Variants in SLIT3 observed in about 807,000 individuals in gnomAD.
SLIT3 encodes slit homolog 3 protein.
Under a neutral mutation model 184.0 loss-of-function variants are expected in SLIT3, and 68 were observed. The observed-to-expected ratio is 0.37, with a 90% CI of 0.30 to 0.45. The LOEUF is 0.45. SLIT3 is among the 20% of genes least tolerant of loss of function. The pLI, the probability that SLIT3 is intolerant of heterozygous loss-of-function variation, is 1.00. For missense variants in SLIT3, 1,707 were observed against 2,026.0 expected (o/e 0.84, Z 3.02); for synonymous variants, 831 against 828.6 (o/e 1.00, Z -0.05).
chr5:169,279,421 GAAACCTGAGGT>G (rs1191604908), intron 1 of SLIT3, among the ~76,000 whole-genome samples: 1 of 152,120 alleles, frequency 6.6e-6, no homozygotes, highest in Non-Finnish European at 1.5e-5. Context: ...TACGGAGGAG[GAAACCTGAGGT>G]TCTGAGTTAG....
At chr5:169,003,642 C>T (rs1033749768) in intron 4 of SLIT3, among the ~76,000 whole-genome samples, 4 of 152,192 alleles carry the variant, frequency 2.6e-5, no homozygotes, top group Non-Finnish European at 2.9e-5. Context: ...AGAAGAGTTT[C>T]GTCTCACCCA....
intron 5 of SLIT3, among the ~76,000 whole-genome samples, chr5:168,879,409 C>T (rs956908709): frequency 1.3e-5 from 2 of 152,178 alleles, no homozygotes; most frequent in Non-Finnish European, 2.9e-5. Context: ...AGGAGTGTTT[C>T]CTTAGCAGGT....
At chr5:168,884,297 G>T (rs191754128) in intron 4 of SLIT3, among the ~76,000 whole-genome samples, 1 of 151,002 alleles carries the variant, frequency 6.6e-6, no homozygotes, top group African/African-American at 2.4e-5. Flanking sequence ...GGCTGTTCCC[G>T]CACAGCCACA....
chr5:168,865,306 T>C (rs115921908), intron 5 of SLIT3, among the ~76,000 whole-genome samples: 1,923 of 152,220 alleles, frequency 0.013, 20 homozygotes, highest in East Asian at 0.046. Context: ...AGCAGCTTTA[T>C]TCGTAATAAC....
chr5:169,023,806 A>G (rs1581318298), intron 4 of SLIT3: 2 of 152,120 alleles, frequency 1.3e-5, no homozygotes, highest in East Asian at 1.9e-4. Flanking sequence ...TGAGTTTTAT[A>G]ACTCTGTTTT....
intron 20 of SLIT3, among the ~76,000 whole-genome samples, chr5:168,726,927 CTTA>C (rs1763150250): frequency 6.6e-6 from 1 of 151,114 alleles, no homozygotes; most frequent in South Asian, 2.1e-4. Flanking sequence ...AGGAGACTCG[CTTA>C]AACCCAGGAG....
chr5:168,934,508 C>G (rs1262126512), intron 4 of SLIT3, among the ~76,000 whole-genome samples: 1 of 152,180 alleles, frequency 6.6e-6, no homozygotes, highest in Non-Finnish European at 1.5e-5. Context: ...TGTCTGCCTT[C>G]TGTGGATGTC....
intron 7 of SLIT3, among the ~76,000 whole-genome samples, chr5:168,818,142 T>A (rs1017102778): frequency 1.3e-5 from 2 of 152,154 alleles, no homozygotes; most frequent in African/African-American, 4.8e-5. Context: ...TAGCCATCTC[T>A]CCACAGTGCC....
At chr5:169,179,454 C>CA (rs1561718115) in intron 4 of SLIT3, among the ~76,000 whole-genome samples, 2 of 152,058 alleles carry the variant, frequency 1.3e-5, no homozygotes, top group Middle Eastern at 3.2e-3. Context: ...GCTTATCTTT[C>CA]CATTTCACTG....
At chr5:169,093,985 G>C (rs925436603) in intron 4 of SLIT3, among the ~76,000 whole-genome samples, 3 of 152,130 alleles carry the variant, frequency 2.0e-5, no homozygotes, top group African/African-American at 7.2e-5. Context: ...TCCTGGTACC[G>C]TTCTAAGCAT....
intron 4 of SLIT3, among the ~76,000 whole-genome samples, chr5:169,159,571 C>T (rs1762412794): frequency 6.6e-6 from 1 of 152,094 alleles, no homozygotes; most frequent in African/African-American, 2.4e-5. Flanking sequence ...GTCAGCACAT[C>T]GAGACCACCC....
At chr5:168,868,708 A>G (rs1304389917) in intron 5 of SLIT3, among the ~76,000 whole-genome samples, 6 of 147,346 alleles carry the variant, frequency 4.1e-5, no homozygotes, top group Admixed American at 3.5e-4. Context: ...AGATCACGCC[A>G]CTGCACACCA....
At chr5:169,095,787 T>C (rs1759754641) in intron 4 of SLIT3, among the ~76,000 whole-genome samples, 1 of 152,230 alleles carries the variant, frequency 6.6e-6, no homozygotes, top group Non-Finnish European at 1.5e-5. Context: ...TTGTGGTTCC[T>C]TGACATCTCG....
chr5:168,928,433 T>A (rs990236667), intron 4 of SLIT3, among the ~76,000 whole-genome samples: 89 of 151,764 alleles, frequency 5.9e-4, no homozygotes, highest in African/African-American at 2.0e-3. Context: ...ACCGTGAGAG[T>A]TCACACTCCT....
chr5:169,223,745 CAAAT>C (rs1276830913), intron 3 of SLIT3, among the ~76,000 whole-genome samples: 1 of 152,078 alleles, frequency 6.6e-6, no homozygotes, highest in African/African-American at 2.4e-5. Flanking sequence ...GGGTCCTTGT[CAAAT>C]AAATCAACCA....
chr5:168,856,806 T>TGTGTGTGCGCGC (rs374432432), intron 5 of SLIT3, among the ~76,000 whole-genome samples: 67 of 137,818 alleles, frequency 4.9e-4, no homozygotes, highest in African/African-American at 1.4e-3. Context: ...TGTGTGTGTG[T>TGTGTGTGCGCGC]GCGCGCGCGC....
chr5:169,246,195 T>C (rs1765582897), intron 2 of SLIT3, among the ~76,000 whole-genome samples: 1 of 152,206 alleles, frequency 6.6e-6, no homozygotes, highest in Admixed American at 6.5e-5. Context: ...AAATATCCAT[T>C]GACCAGAAGT....
chr5:168,906,857 T>C (rs926355411), intron 4 of SLIT3, among the ~76,000 whole-genome samples: 3 of 152,252 alleles, frequency 2.0e-5, no homozygotes, highest in Non-Finnish European at 2.9e-5. Context: ...TTTATTTATT[T>C]ATTTAATTAA....
intron 1 of SLIT3, among the ~76,000 whole-genome samples, chr5:169,252,276 T>C (rs1765801460): frequency 6.6e-6 from 1 of 152,216 alleles, no homozygotes; most frequent in South Asian, 2.1e-4. Flanking sequence ...AGAGGTAACT[T>C]AACTCATTTC....
Sources: gnomAD v4.1 joint callset for allele counts (sites outside exome capture counted in the v4.1 genomes callset) on GRCh38, gnomAD v4.1.1 for gene constraint, MANE v1.5 for transcripts, NCBI Gene and HGNC (gene_info 2026-07-23, HGNC 2026-07-21) for gene names.